The following ELL variants were observed in gnomAD, a reference collection of about 807,000 sequenced individuals.
ELL encodes RNA polymerase II elongation factor ELL.
Under a neutral mutation model 64.0 loss-of-function variants are expected in ELL, and 18 were observed. That is an observed-to-expected ratio of 0.28 (90% confidence interval 0.19 to 0.42). ELL has a LOEUF of 0.42. Among genes scored for constraint, ELL ranks in the 10% least tolerant of loss-of-function variants. The pLI is 1.00. For missense variants in ELL, 797 were observed against 870.4 expected (o/e 0.92, Z 1.06); for synonymous variants, 399 against 376.2 (o/e 1.06, Z -0.70).
chr19:18,455,737 A>G (rs1055269331), intron 6 of ELL, among the ~76,000 whole-genome samples: 1 of 152,020 alleles, frequency 6.6e-6, no homozygotes, highest in African/African-American at 2.4e-5. Context: ...ACTACAAATA[A>G]TAGTAAATTA....
chr19:18,471,350 C>G, intron 2 of ELL: 1 of 445,218 alleles, frequency 2.2e-6, no homozygotes, highest in Non-Finnish European at 4.5e-6. Context: ...ACTCCAGCCT[C>G]GGCAACAGAG....
chr19:18,452,476 C>T (rs1357278129), intron 6 of ELL, among the ~76,000 whole-genome samples: 1 of 152,254 alleles, frequency 6.6e-6, no homozygotes, highest in Non-Finnish European at 1.5e-5. Context: ...TGAGAACAGG[C>T]ATTTGCATCC....
chr19:18,519,678 G>A (rs188051377), intron 1 of ELL, among the ~76,000 whole-genome samples: 1 of 152,088 alleles, frequency 6.6e-6, no homozygotes, highest in African/African-American at 2.4e-5. Flanking sequence ...GTGGTGGCAC[G>A]TGCCTGTAGT....
intron 1 of ELL, among the ~76,000 whole-genome samples, chr19:18,490,509 C>T (rs1394054696): frequency 6.6e-6 from 1 of 152,254 alleles, no homozygotes; most frequent in Non-Finnish European, 1.5e-5. Flanking sequence ...CCCTCATCAG[C>T]TGCCTCTAAT....
intron 2 of ELL, among the ~76,000 whole-genome samples, chr19:18,468,568 C>T (rs1391657728): frequency 1.3e-5 from 2 of 152,218 alleles, no homozygotes; most frequent in South Asian, 2.1e-4. Flanking sequence ...GCCAGGGAAG[C>T]TGGGGACCAC....
At position 18,444,506 on chromosome 19, in the gene ELL, G is replaced by A; in HGVS notation, c.*246C>T. 2 of 462,610 alleles carry A rather than the reference G, an allele frequency of 4.3e-6. No homozygotes were observed. The highest frequency in any genetic ancestry group is 7.0e-5 in the East Asian group (2 of 28,732). 28.7% of individuals were successfully genotyped at this position (462,610 alleles called of 1,614,324 possible). ...AGGAGGCTGAACCCCGGAGGCTGCAGCCAGGGAGGAGGCAGTGGGCTTCCT... is the reference window on the plus strand; with the variant it reads ...AGGAGGCTGAACCCCGGAGGCTGCAACCAGGGAGGAGGCAGTGGGCTTCCT... On this transcript the variant is annotated 3_prime_UTR_variant, in exon 12 of 12. Transcript: ENST00000262809.
intron 2 of ELL, among the ~76,000 whole-genome samples, chr19:18,468,663 A>AGTGGGT (rs1975001976): frequency 6.6e-6 from 1 of 151,908 alleles, no homozygotes; most frequent in Non-Finnish European, 1.5e-5. Context: ...CATCTCTTTA[A>AGTGGGT]CCCCCACTGC....
rs2144893791 is a variant in ELL, at chr19:18,450,838, G to C, written c.1104C>G (p.Thr368=). ...VPNGREALLP[T]PGPPASTDTL... ...TGTCCGTGCTGGCTGGTGGGCCCGG[G>C]GTGGGCAGCAAGGCCTCACGGCCAT... Residue 368 remains threonine (T), a synonymous_variant, in exon 8 of 12, where the codon ACC becomes ACG. Coordinates refer to ENST00000262809, the MANE Select transcript of ELL (RefSeq NM_006532.4). 1 of 1,591,180 alleles carries C rather than the reference G, an allele frequency of 6.3e-7. No homozygotes were observed. Among genetic ancestry groups the C allele is most frequent in the South Asian group, 1.1e-5 (1 of 88,924 alleles).
chr19:18,498,027 C>T (rs575819059), intron 1 of ELL, among the ~76,000 whole-genome samples: 7 of 151,806 alleles, frequency 4.6e-5, no homozygotes, highest in Non-Finnish European at 8.8e-5. Context: ...ACTAGGGATG[C>T]TGAGGCAGGA....
intron 1 of ELL, among the ~76,000 whole-genome samples, chr19:18,486,249 C>T (rs373595723): frequency 1.2e-4 from 18 of 152,272 alleles, no homozygotes; most frequent in African/African-American, 4.1e-4. Context: ...GCCCCAAGGG[C>T]GGTCAGTGTC....
intron 6 of ELL, among the ~76,000 whole-genome samples, chr19:18,452,371 GCTAGGCTACAGACCA>G (rs1403913884): frequency 6.6e-6 from 1 of 152,208 alleles, no homozygotes; most frequent in Non-Finnish European, 1.5e-5. Context: ...TAACAAATGG[GCTAGGCTACAGACCA>G]CTGCAGGTGT....
At position 18,461,578 on chromosome 19, in the gene ELL, C is replaced by T. The variant is rs1421631578; in HGVS notation, c.744G>A (p.Gln248=). ...DKDALDGLLQ[Q]VANMSAKDGT... ...GACAAGACATCGGGGCGGCACCCAC[C>T]TGCTGGAGGAGGCCATCCAGCGCGT... is the stretch of plus-strand genomic sequence containing the variant. Residue 248 remains glutamine (Q), a splice_region_variant and synonymous_variant, in exon 5 of 12, where the codon CAG becomes CAA. Transcript: ENST00000262809. 6.3e-7 allele frequency: 1 copy of T among 1,595,686 alleles called. No individual in the cohort carries two copies. The highest frequency in any genetic ancestry group is 8.5e-7 in the Non-Finnish European group (1 of 1,175,230).
intron 1 of ELL, among the ~76,000 whole-genome samples, chr19:18,513,321 C>T (rs1976066631): frequency 6.6e-6 from 1 of 152,214 alleles, no homozygotes; most frequent in Non-Finnish European, 1.5e-5. Context: ...ATCCGGACAT[C>T]CCCAGAACCA....
intron 1 of ELL, among the ~76,000 whole-genome samples, chr19:18,484,216 C>A (rs903590345): frequency 6.6e-6 from 1 of 152,226 alleles, no homozygotes; most frequent in Admixed American, 6.5e-5. Context: ...GTAATCCCAG[C>A]ACTTTGGGAA....
At chr19:18,458,132 C>T (rs1165708009) in intron 6 of ELL, 73 bp downstream of exon 6, 1 of 1,580,350 alleles carries the variant, frequency 6.3e-7, no homozygotes, top group South Asian at 1.2e-5. Context: ...AAGACCACCC[C>T]AGCATCCTCT....
intron 5 of ELL, among the ~76,000 whole-genome samples, chr19:18,458,992 G>T (rs1317663174): frequency 6.6e-6 from 1 of 152,126 alleles, no homozygotes; most frequent in South Asian, 2.1e-4. Context: ...GGGCTCAAGC[G>T]ATCCTCTTGC....
rs569693749 is a variant in ELL at position 18,521,896 on chromosome 19, G to C, written c.135+25C>G. On this transcript the variant is annotated intron_variant, in intron 1 of 11. Transcript: ENST00000262809. Reference sequence around the variant, plus strand: ...GCCCGCGTCCGGACGTTCCCCACTGGCGCGCCGGGCGCCATGCCACTCACC... The same window carrying C: ...GCCCGCGTCCGGACGTTCCCCACTGCCGCGCCGGGCGCCATGCCACTCACC... 1.0e-5 allele frequency: 16 copies of C among 1,559,788 alleles called. No individual in the cohort carries two copies. In the South Asian group the frequency reaches 1.7e-4, roughly 17 times the overall value.
intron 1 of ELL, among the ~76,000 whole-genome samples, chr19:18,478,144 T>C (rs1481248248): frequency 6.6e-6 from 1 of 152,136 alleles, no homozygotes; most frequent in Non-Finnish European, 1.5e-5. Flanking sequence ...CCTGACAGCA[T>C]GTGGCCCACC....
At chr19:18,510,348 G>A (rs1190102096) in intron 1 of ELL, among the ~76,000 whole-genome samples, 1 of 152,236 alleles carries the variant, frequency 6.6e-6, no homozygotes, top group Non-Finnish European at 1.5e-5. Context: ...ACTCCAGCCT[G>A]GGTGACAGAG....
Sources: allele counts gnomAD v4.1 joint callset (sites outside exome capture counted in the v4.1 genomes callset), GRCh38; gene constraint gnomAD v4.1.1; transcripts MANE v1.5; gene names NCBI Gene and HGNC (gene_info 2026-07-23, HGNC 2026-07-21).